POU2F1: variants seen among roughly 807,000 people sequenced by gnomAD.
The protein encoded by POU2F1 is POU domain, class 2, transcription factor 1.
POU2F1 carries 16 observed loss-of-function variants against 84.9 expected under a neutral mutation model. The ratio of observed to expected loss-of-function variants is 0.19; its 90% CI spans 0.13 to 0.29. POU2F1 has a LOEUF of 0.29. Among genes scored for constraint, POU2F1 ranks in the 10% least tolerant of loss-of-function variants. POU2F1 has a pLI of 1.00. For missense variants in POU2F1, 738 were observed against 942.6 expected (o/e 0.78, Z 2.84); for synonymous variants, 368 against 368.3 (o/e 1.00, Z 0.01).
Position 167,399,320 on chromosome 1 carries a change from C to T in POU2F1, c.1404C>T (p.Thr468=). 1 of 1,614,024 alleles carries T rather than the reference C, an allele frequency of 6.2e-7. No homozygotes were observed. The highest frequency in any genetic ancestry group is 8.5e-7 in the Non-Finnish European group (1 of 1,179,942). Residue 468 remains threonine, a synonymous_variant, in exon 12 of 16, where the codon ACC becomes ACT. Transcript: ENST00000367866. Reference sequence around the variant, plus strand: ...TCAACCCACCAAGCAGTGGTGGGACCAGCAGCTCACCTATTAAAGCAATTT... The same window carrying T: ...TCAACCCACCAAGCAGTGGTGGGACTAGCAGCTCACCTATTAAAGCAATTT... The part of the protein sequence containing the change: ...KRINPPSSGG[T]SSSPIKAIFP...
chr1:167,224,206 G>A (rs1215995538), intron 1 of POU2F1, among the ~76,000 whole-genome samples: 1 of 152,092 alleles, frequency 6.6e-6, no homozygotes, highest in African/African-American at 2.4e-5. Context: ...GGAGTATTTG[G>A]GTTTTAGATA....
At chr1:167,224,951 C>T (rs181326983) in intron 1 of POU2F1, among the ~76,000 whole-genome samples, 151 of 151,860 alleles carry the variant, frequency 9.9e-4, no homozygotes, top group Non-Finnish European at 1.8e-3. Flanking sequence ...GCCTCAGCCT[C>T]CTTAGTAGCT....
At chr1:167,313,241 C>G (rs7541583) in intron 1 of POU2F1, among the ~76,000 whole-genome samples, 111,785 of 152,128 alleles carry the variant, frequency 0.73, 41,227 homozygotes, top group East Asian at 0.87. Context: ...ACATAGGAAA[C>G]ATCAGTTCTC....
intron 1 of POU2F1, among the ~76,000 whole-genome samples, chr1:167,224,590 T>C (rs1417770430): frequency 6.6e-6 from 1 of 152,176 alleles, no homozygotes; most frequent in African/African-American, 2.4e-5. Flanking sequence ...TATTAATAGA[T>C]TTTCTTGTAA....
At chr1:167,294,538 C>T (rs1320755380) in intron 1 of POU2F1, among the ~76,000 whole-genome samples, 2 of 152,074 alleles carry the variant, frequency 1.3e-5, no homozygotes, top group Non-Finnish European at 2.9e-5. Context: ...GGACTAGTAT[C>T]CAGAATCTAC....
chr1:167,229,837 T>A (rs894212375), intron 1 of POU2F1, among the ~76,000 whole-genome samples: 3 of 152,182 alleles, frequency 2.0e-5, no homozygotes, highest in Non-Finnish European at 2.9e-5. Context: ...CTAATACTCT[T>A]CTGAAAACTT....
chr1:167,333,912 T>C (rs1249468391), intron 2 of POU2F1, among the ~76,000 whole-genome samples: 2 of 152,030 alleles, frequency 1.3e-5, no homozygotes, highest in Admixed American at 6.6e-5. Context: ...CAGAGAGAAA[T>C]AGGGCAGCTG....
At chr1:167,319,563 T>G (rs150991902) in intron 1 of POU2F1, among the ~76,000 whole-genome samples, 2,560 of 152,120 alleles carry the variant, frequency 0.017, 72 homozygotes, top group African/African-American at 0.058. Context: ...GTAATGTGTT[T>G]AATATTCCAT....
intron 6 of POU2F1, 145 bp downstream of exon 6, chr1:167,374,441 C>A: frequency 1.5e-6 from 1 of 656,828 alleles, no homozygotes; most frequent in Non-Finnish European, 2.5e-6. Context: ...CGGTACCCTT[C>A]CTTACCACTG....
At chr1:167,306,552 T>G (rs955712978) in intron 1 of POU2F1, among the ~76,000 whole-genome samples, 4 of 152,212 alleles carry the variant, frequency 2.6e-5, no homozygotes, top group Non-Finnish European at 5.9e-5. Context: ...ATTCTCATTT[T>G]TCAAATGAGA....
intron 1 of POU2F1, among the ~76,000 whole-genome samples, chr1:167,264,730 A>C (rs2102446757): frequency 6.6e-6 from 1 of 152,166 alleles, no homozygotes; most frequent in Middle Eastern, 3.4e-3. Flanking sequence ...TTTTTTCTTA[A>C]GAAATTTTTT....
chr1:167,310,781 GC>G (rs1484584461), intron 1 of POU2F1, among the ~76,000 whole-genome samples: 3 of 152,140 alleles, frequency 2.0e-5, no homozygotes, highest in Admixed American at 6.5e-5. Flanking sequence ...TGGAGTCTGA[GC>G]AAAGAAATAG....
chr1:167,411,165 G>A (rs1440505636), intron 13 of POU2F1, among the ~76,000 whole-genome samples: 6 of 151,612 alleles, frequency 4.0e-5, no homozygotes, highest in Admixed American at 6.6e-5. Context: ...TTAGCCTCCC[G>A]AGTAGCTGGA....
intron 12 of POU2F1, among the ~76,000 whole-genome samples, chr1:167,401,215 C>T (rs935840313): frequency 6.6e-6 from 1 of 151,904 alleles, no homozygotes; most frequent in Non-Finnish European, 1.5e-5. Flanking sequence ...TGTTTCTTAC[C>T]GACTTAGAGT....
At chr1:167,299,695 G>GTTTTTTTGTTT (rs1553204501) in intron 1 of POU2F1, among the ~76,000 whole-genome samples, 1 of 139,346 alleles carries the variant, frequency 7.2e-6, no homozygotes, top group African/African-American at 2.8e-5. Context: ...GGAGACCAGA[G>GTTTTTTTGTTT]TTTTTTTTTT....
chr1:167,345,487 C>A (rs1658129788), intron 2 of POU2F1, among the ~76,000 whole-genome samples: 1 of 152,174 alleles, frequency 6.6e-6, no homozygotes, highest in South Asian at 2.1e-4. Flanking sequence ...TAAACACTAT[C>A]AGCAGGATTT....
rs771620851 is a variant in POU2F1, at chr1:167,415,654, G to C, written c.2145G>C (p.Leu715Phe). 16 of 1,614,032 alleles carry C rather than the reference G, an allele frequency of 9.9e-6. 1 individual carries two copies. The highest frequency in any genetic ancestry group is 3.3e-4 in the Middle Eastern group (2 of 6,084). The change falls in exon 16 of 16, where the codon TTG (leucine) becomes TTC (phenylalanine). Residue 715 changes from leucine to phenylalanine, a missense_variant. Physicochemically the swap from Leu to Phe is conservative, Grantham distance 22. This residue lies in a region of POU2F1 where 319 missense variants were observed against 386.0 expected (regional missense o/e 0.83). Transcript: ENST00000367866. Reference sequence around the variant, plus strand: ...TGCTCACCAGCAACCCTGTTAGCTTGGTCTCTGCCGCCGCAGCATCTGCAG... The same window carrying C: ...TGCTCACCAGCAACCCTGTTAGCTTCGTCTCTGCCGCCGCAGCATCTGCAG... ...LSLLTSNPVS[L>F]VSAAAASAGN... is the part of the protein sequence containing the mutation.
chr1:167,322,459 G>A (rs1388608783), intron 1 of POU2F1, among the ~76,000 whole-genome samples: 2 of 152,212 alleles, frequency 1.3e-5, no homozygotes, highest in East Asian at 3.8e-4. Flanking sequence ...GATTCCTGTT[G>A]GCACTTTTTG....
At chr1:167,372,065 A>G in intron 5 of POU2F1, 29 bp downstream of exon 5, 2 of 1,596,484 alleles carry the variant, frequency 1.3e-6, no homozygotes, top group Non-Finnish European at 1.7e-6. Flanking sequence ...AATTATAACA[A>G]ACTTTTTCTG....
Sources: allele counts gnomAD v4.1 joint callset (sites outside exome capture counted in the v4.1 genomes callset), GRCh38; gene constraint gnomAD v4.1.1; regional missense constraint gnomAD v4.1.1; transcripts MANE v1.5; gene names NCBI Gene and HGNC (gene_info 2026-07-23, HGNC 2026-07-21).